The following POLD3 variants were observed in gnomAD, a reference collection of about 807,000 sequenced individuals.
POLD3 encodes DNA polymerase delta 3, accessory subunit, also known as DNA polymerase delta subunit 3.
In POLD3, 19 loss-of-function variants were observed where a neutral mutation model predicts 58.2. The observed-to-expected ratio is 0.33, with a 90% CI of 0.23 to 0.48. The LOEUF (loss-of-function observed/expected upper bound fraction) is 0.48. Among genes scored for constraint, POLD3 ranks in the 20% least tolerant of loss-of-function variants. The pLI, the probability that POLD3 is intolerant of heterozygous loss-of-function variation, is 0.99. For missense variants in POLD3, 504 were observed against 545.5 expected, an observed-to-expected ratio of 0.92 and a Z score of 0.76; for synonymous variants, 172 against 193.5, an observed-to-expected ratio of 0.89 and a Z score of 0.92.
At chr11:74,668,824 G>A (rs769282323) in exon 5 of POLD3, 27 of 1,278,696 alleles carry the variant, frequency 2.1e-5, no homozygotes, top group East Asian at 1.1e-4. Flanking sequence ...GGAGCATTAC[G>A]TGGAAATGCC....
chr11:74,650,131 A>T (rs2033050127), intron 4 of POLD3, among the ~76,000 whole-genome samples: 1 of 152,166 alleles, frequency 6.6e-6, no homozygotes. Flanking sequence ...TTGGGTTTTT[A>T]TTGTTTCAGA....
At chr11:74,661,092 G>A (rs1211677007) in intron 4 of POLD3, among the ~76,000 whole-genome samples, 1 of 151,936 alleles carries the variant, frequency 6.6e-6, no homozygotes, top group Admixed American at 6.6e-5. Flanking sequence ...ATAGAATTAT[G>A]TATTCCTTCT....
intron 3 of POLD3, among the ~76,000 whole-genome samples, chr11:74,607,434 T>A (rs1437343892): frequency 6.7e-6 from 1 of 150,358 alleles, no homozygotes; most frequent in African/African-American, 2.4e-5. Flanking sequence ...GGCTAATTTT[T>A]TTTTTTGTAT....
chr11:74,652,168 TAAC>T (rs2033075560), intron 4 of POLD3, among the ~76,000 whole-genome samples: 1 of 152,222 alleles, frequency 6.6e-6, no homozygotes. Flanking sequence ...TGCCTTGTAA[TAAC>T]AGCTCTCATC....
chr11:74,607,694 G>T (rs1003294486), intron 3 of POLD3, among the ~76,000 whole-genome samples: 1 of 151,734 alleles, frequency 6.6e-6, no homozygotes, highest in Non-Finnish European at 1.5e-5. Flanking sequence ...CCATCTTCCT[G>T]CCTCAACCCC....
At chr11:74,631,145 C>A (rs1392164024) in intron 9 of POLD3, among the ~76,000 whole-genome samples, 1 of 152,160 alleles carries the variant, frequency 6.6e-6, no homozygotes, top group Admixed American at 6.5e-5. Context: ...TTTACACAGT[C>A]TTTAACTTAT....
chr11:74,641,090 C>G lies in POLD3; in HGVS notation c.*324C>G, dbSNP rs1299495314. 9.8e-7 allele frequency: 1 copy of G among 1,025,394 alleles called. No individual in the cohort carries two copies. Among genetic ancestry groups the G allele is most frequent in the African/African-American group, 1.7e-5 (1 of 58,710 alleles). 63.5% of individuals were successfully genotyped at this position (1,025,394 alleles called of 1,614,324 possible). On this transcript the variant is annotated 3_prime_UTR_variant, in exon 12 of 12. Transcript: ENST00000263681. Reference sequence around the variant, plus strand: ...GCCATTTAGTGGCTAACCCACTGTGCTCCACTCACCCTATGCCCTGGTCCG... The same window carrying G: ...GCCATTTAGTGGCTAACCCACTGTGGTCCACTCACCCTATGCCCTGGTCCG...
chr11:74,649,283 G>A (rs1270469378), intron 4 of POLD3, among the ~76,000 whole-genome samples: 4 of 152,198 alleles, frequency 2.6e-5, no homozygotes, highest in South Asian at 2.1e-4. Flanking sequence ...CATTTGATCC[G>A]TAACAACTTT....
intron 4 of POLD3, among the ~76,000 whole-genome samples, chr11:74,651,937 T>C (rs2033073593): frequency 6.6e-6 from 1 of 152,236 alleles, no homozygotes; most frequent in African/African-American, 2.4e-5. Context: ...CAGCCTTACA[T>C]GGCTGTCAGA....
At chr11:74,619,619 C>T (rs2032189786) in intron 6 of POLD3, among the ~76,000 whole-genome samples, 1 of 152,152 alleles carries the variant, frequency 6.6e-6, no homozygotes, top group Admixed American at 6.5e-5. Flanking sequence ...CATATTGCTA[C>T]TAAATGGTGG....
In POLD3 at chr11:74,641,269, T is replaced by A. The variant is rs1481574795; in HGVS notation, c.*503T>A. The A allele has an allele frequency of 5.1e-6, 5 of 985,408 alleles. No homozygotes were observed. Among genetic ancestry groups the A allele is most frequent in the Non-Finnish European group, 6.0e-6 (5 of 830,026 alleles). The allele number at this position is 985,408 out of a possible 1,614,324, so 61.0% of individuals were successfully genotyped here. A position where few individuals can be genotyped will look rare whatever the true frequency, so the allele number is the denominator to read the frequency against. Reference sequence around the variant, plus strand: ...CCTAACCTCCTGAGGCTGTTCTCTGTAAGTCTTTTAAGTTTTGGTTGGACT... The same window carrying A: ...CCTAACCTCCTGAGGCTGTTCTCTGAAAGTCTTTTAAGTTTTGGTTGGACT... On this transcript the variant is annotated 3_prime_UTR_variant, in exon 12 of 12. Coordinates refer to ENST00000263681, the MANE Select transcript of POLD3 (RefSeq NM_006591.3).
chr11:74,597,208 A>G (rs991461938), intron 2 of POLD3, among the ~76,000 whole-genome samples: 1 of 152,182 alleles, frequency 6.6e-6, no homozygotes, highest in African/African-American at 2.4e-5. Flanking sequence ...TTACATTCCC[A>G]CCAACAATGT....
intron 2 of POLD3, among the ~76,000 whole-genome samples, chr11:74,596,775 C>T (rs1386022554): frequency 6.6e-6 from 1 of 152,160 alleles, no homozygotes; most frequent in Non-Finnish European, 1.5e-5. Flanking sequence ...CTCCCCTAAC[C>T]ACTTCAGCCT....
At chr11:74,665,693 C>T (rs961863750) in intron 4 of POLD3, among the ~76,000 whole-genome samples, 2 of 152,176 alleles carry the variant, frequency 1.3e-5, no homozygotes, top group East Asian at 3.9e-4. Context: ...AGCCACCATG[C>T]CTGGCCCCTT....
intron 4 of POLD3, among the ~76,000 whole-genome samples, chr11:74,665,591 G>T (rs987624491): frequency 6.6e-6 from 1 of 151,698 alleles, no homozygotes; most frequent in Non-Finnish European, 1.5e-5. Flanking sequence ...TAGTGGAGGG[G>T]GTTTTGCCAT....
At chr11:74,610,813 C>T (rs567486263) in intron 3 of POLD3, among the ~76,000 whole-genome samples, 2 of 152,082 alleles carry the variant, frequency 1.3e-5, no homozygotes, top group African/African-American at 4.8e-5. Context: ...CTCACTCTGT[C>T]ACCCAGGCTG....
intron 2 of POLD3, among the ~76,000 whole-genome samples, chr11:74,604,052 A>T (rs544006409): frequency 4.4e-4 from 67 of 152,350 alleles, no homozygotes; most frequent in African/African-American, 1.6e-3. Flanking sequence ...ACATTCTGCA[A>T]TTCTGAACCG....
intron 9 of POLD3, among the ~76,000 whole-genome samples, chr11:74,633,491 A>G (rs1413587041): frequency 1.3e-5 from 2 of 152,190 alleles, no homozygotes; most frequent in Non-Finnish European, 2.9e-5. Flanking sequence ...AATTTTTAAC[A>G]CTGACCTAAT....
intron 4 of POLD3, among the ~76,000 whole-genome samples, chr11:74,664,436 A>AT (rs2033241718): frequency 2.0e-5 from 3 of 152,354 alleles, no homozygotes; most frequent in Admixed American, 6.5e-5. Flanking sequence ...CAGCTCAGCA[A>AT]TAAAAAGTAT....
Sources: allele counts gnomAD v4.1 joint callset (sites outside exome capture counted in the v4.1 genomes callset), GRCh38; gene constraint gnomAD v4.1.1; transcripts MANE v1.5; gene names NCBI Gene and HGNC (gene_info 2026-07-23, HGNC 2026-07-21).